Variants in COL15A1 observed in about 807,000 individuals in gnomAD.
COL15A1 encodes the protein collagen alpha-1(XV) chain.
COL15A1 carries 111 observed loss-of-function variants against 165.9 expected under a neutral mutation model. The observed-to-expected ratio is 0.67, with a 90% CI of 0.57 to 0.78. The LOEUF (loss-of-function observed/expected upper bound fraction) is 0.78, where lower values mean the gene tolerates loss of function less well. COL15A1 is among the 30% of genes least tolerant of loss of function. The pLI, the probability that COL15A1 is intolerant of heterozygous loss-of-function variation, is 0.00. For synonymous variants in COL15A1, 659 were observed against 674.8 expected (o/e 0.98, Z 0.36); for missense variants, 1,745 against 1,789.7 (o/e 0.98, Z 0.45).
chr9:98,970,586 A>G (rs960279515), intron 2 of COL15A1, among the ~76,000 whole-genome samples: 5 of 152,198 alleles, frequency 3.3e-5, no homozygotes, highest in Non-Finnish European at 5.9e-5. Flanking sequence ...AGGGCTTTCA[A>G]TGATTGGTTT....
chr9:98,947,427 A>G (rs1004869553), intron 2 of COL15A1, among the ~76,000 whole-genome samples: 2 of 152,292 alleles, frequency 1.3e-5, no homozygotes, highest in Middle Eastern at 3.4e-3. Flanking sequence ...GTGTTCTAAA[A>G]CTGGATTGTG....
At position 99,055,105 on chromosome 9, in the gene COL15A1, C is replaced by T. The variant is rs753069177; in HGVS notation, c.3035C>T (p.Pro1012Leu). 13 of 1,611,324 alleles carry T rather than the reference C, an allele frequency of 8.1e-6. No individual in the cohort carries two copies. The highest frequency in any genetic ancestry group is 1.1e-5 in the Non-Finnish European group (13 of 1,177,552). The change falls in exon 33 of 42, where the codon CCT (proline) becomes CTT (leucine). Residue 1012 changes from proline to leucine, a missense_variant. By Grantham distance (98) the Pro-to-Leu change is moderately conservative (BLOSUM62 -3). Coordinates refer to ENST00000375001, the MANE Select transcript of COL15A1 (RefSeq NM_001855.5). ...GDQGAQGPPG[P>L]PLDLAYLRHF... ...TTACGAAGCATTTCTTTTTCAGGTC[C>T]TCCACTTGATCTAGCTTACCTGAGA...
At chr9:98,959,457 A>C (rs980730849) in intron 2 of COL15A1, among the ~76,000 whole-genome samples, 2 of 152,116 alleles carry the variant, frequency 1.3e-5, no homozygotes, top group Non-Finnish European at 2.9e-5. Context: ...CAGAGATGAC[A>C]GGAGCTGAGC....
intron 35 of COL15A1, among the ~76,000 whole-genome samples, chr9:99,058,576 G>A (rs1483211070): frequency 6.6e-6 from 1 of 152,196 alleles, no homozygotes; most frequent in African/African-American, 2.4e-5. Flanking sequence ...ATGCCTTGCT[G>A]CATTGAGCAA....
intron 2 of COL15A1, among the ~76,000 whole-genome samples, chr9:98,954,616 T>C (rs985580439): frequency 6.6e-6 from 1 of 152,252 alleles, no homozygotes; most frequent in African/African-American, 2.4e-5. Context: ...ACGATCGTAG[T>C]CTTGTAGCTT....
At chr9:98,974,068 G>A (rs994455403) in intron 2 of COL15A1, among the ~76,000 whole-genome samples, 1 of 152,232 alleles carries the variant, frequency 6.6e-6, no homozygotes, top group Non-Finnish European at 1.5e-5. Flanking sequence ...GGATGTAGAA[G>A]TTGAGGCCGA....
At chr9:99,047,052 A>T (rs1226020620) in intron 26 of COL15A1, among the ~76,000 whole-genome samples, 1 of 152,222 alleles carries the variant, frequency 6.6e-6, no homozygotes, top group Non-Finnish European at 1.5e-5. Context: ...AGACCCAGCT[A>T]CAGGGTTGGA....
intron 30 of COL15A1, among the ~76,000 whole-genome samples, chr9:99,050,719 C>G (rs1384705993): frequency 6.6e-6 from 1 of 152,256 alleles, no homozygotes; most frequent in Non-Finnish European, 1.5e-5. Context: ...CAACGGTGAA[C>G]TAGACGGATG....
rs773196929 is a variant in COL15A1 at position 99,024,277 on chromosome 9, G to GTTTTTTTTTTTTTTTTTTTTTTTTTTT, written c.1855-590_1855-589insTTTTTTTTTTTTTTTTTTTTTTTTTTT. Among the ~76,000 whole-genome samples, 2 of 108,628 alleles carry GTTTTTTTTTTTTTTTTTTTTTTTTTTT rather than the reference G, an allele frequency of 1.8e-5. 1 individual carries two copies. 71.3% of individuals were successfully genotyped at this position (108,628 alleles called of 152,430 possible). ...GGCTACACCACAAGCAGTTTTTTTT[G>GTTTTTTTTTTTTTTTTTTTTTTTTTTT]TTTTTTTGTTTTTTTTTTTTTGAGA... On this transcript the variant is annotated intron_variant, in intron 14 of 41. Coordinates refer to ENST00000375001, the MANE Select transcript of COL15A1 (RefSeq NM_001855.5).
chr9:99,048,957 TA>T (rs1839539429), intron 28 of COL15A1, among the ~76,000 whole-genome samples: 1 of 152,150 alleles, frequency 6.6e-6, no homozygotes, highest in African/African-American at 2.4e-5. Context: ...TTTTGCTTTG[TA>T]TGCCCAGAAA....
At chr9:99,037,025 A>G (rs1050216032) in intron 21 of COL15A1, among the ~76,000 whole-genome samples, 3 of 152,246 alleles carry the variant, frequency 2.0e-5, no homozygotes. Flanking sequence ...CACAGGAAAC[A>G]TCTTTATGTG....
At chr9:99,028,833 G>A (rs375383352) in intron 16 of COL15A1, among the ~76,000 whole-genome samples, 41 of 152,166 alleles carry the variant, frequency 2.7e-4, no homozygotes, top group African/African-American at 9.4e-4. Flanking sequence ...CCCAAAAAAC[G>A]TATTGAAATT....
intron 11 of COL15A1, 53 bp from the exon 12 acceptor site, chr9:99,020,336 C>T (rs1839004054): frequency 7.6e-7 from 1 of 1,316,456 alleles, no homozygotes; most frequent in Non-Finnish European, 1.1e-6. Context: ...ACTCAGCAGC[C>T]CCATGTCCCA....
At chr9:99,068,940 T>C (rs1825939623) in intron 41 of COL15A1, among the ~76,000 whole-genome samples, 3 of 152,188 alleles carry the variant, frequency 2.0e-5, no homozygotes, top group African/African-American at 7.2e-5. Flanking sequence ...ATCTATGTCA[T>C]AGAATTGTGA....
At chr9:99,037,264 C>T (rs1297996353) in intron 21 of COL15A1, among the ~76,000 whole-genome samples, 8 of 152,278 alleles carry the variant, frequency 5.3e-5, no homozygotes, top group Middle Eastern at 3.4e-3. Flanking sequence ...TTTTTTTCTT[C>T]TCTGTATCCC....
intron 7 of COL15A1, 137 bp from the exon 8 acceptor site, chr9:99,003,316 A>G (rs923149784): frequency 1.3e-5 from 8 of 621,186 alleles, no homozygotes; most frequent in Non-Finnish European, 1.8e-5. Context: ...ATGAAACCAT[A>G]GATGTGAAAG....
chr9:99,045,630 G>A (rs1199210378), intron 26 of COL15A1, among the ~76,000 whole-genome samples: 1 of 152,160 alleles, frequency 6.6e-6, no homozygotes, highest in East Asian at 1.9e-4. Context: ...CCCAAGAAGT[G>A]ACTCTCAGAA....
chr9:98,950,161 G>A (rs899828793), intron 2 of COL15A1, among the ~76,000 whole-genome samples: 1 of 152,190 alleles, frequency 6.6e-6, no homozygotes, highest in Non-Finnish European at 1.5e-5. Flanking sequence ...TTGCATACAA[G>A]TATTCGGATG....
chr9:99,021,777 A>G (rs889767111), intron 12 of COL15A1, among the ~76,000 whole-genome samples: 3 of 152,182 alleles, frequency 2.0e-5, no homozygotes, highest in African/African-American at 7.2e-5. Context: ...AGCACTGAGC[A>G]CTGGTGCTCT....
Sources: gnomAD v4.1 joint callset for allele counts (sites outside exome capture counted in the v4.1 genomes callset) on GRCh38, gnomAD v4.1.1 for gene constraint, MANE v1.5 for transcripts, NCBI Gene and HGNC (gene_info 2026-07-23, HGNC 2026-07-21) for gene names.